ADAMTSL3: variants seen among roughly 807,000 people sequenced by gnomAD.
ADAMTSL3 encodes ADAMTS like 3.
ADAMTSL3 carries 128 observed loss-of-function variants against 201.7 expected under a neutral mutation model. The ratio of observed to expected loss-of-function variants is 0.63; its 90% CI spans 0.55 to 0.73. The LOEUF (loss-of-function observed/expected upper bound fraction) is 0.73. Ranked by LOEUF, ADAMTSL3 falls within the 30% of genes least tolerant of loss-of-function variation. The pLI is 0.00. For missense variants in ADAMTSL3, 1,990 were observed against 2,119.6 expected (o/e 0.94, Z 1.20); for synonymous variants, 738 against 748.4 (o/e 0.99, Z 0.23).
chr15:83,954,876 C>G (rs1385397836), intron 19 of ADAMTSL3, among the ~76,000 whole-genome samples: 1 of 152,212 alleles, frequency 6.6e-6, no homozygotes, highest in Non-Finnish European at 1.5e-5. Context: ...TGCTGAGCCA[C>G]CTGGAGCTGG....
At chr15:83,677,439 A>G (rs1285339403) in intron 2 of ADAMTSL3, among the ~76,000 whole-genome samples, 1 of 151,104 alleles carries the variant, frequency 6.6e-6, no homozygotes, top group Non-Finnish European at 1.5e-5. Flanking sequence ...TTTGCTTCAA[A>G]TATTTTGAAA....
intron 23 of ADAMTSL3, among the ~76,000 whole-genome samples, chr15:84,007,076 A>G (rs1305700663): frequency 6.6e-6 from 1 of 152,184 alleles, no homozygotes; most frequent in Non-Finnish European, 1.5e-5. Flanking sequence ...TGAAGGAAGG[A>G]CTTGGTCCTG....
At chr15:83,976,656 C>T (rs1465756889) in intron 20 of ADAMTSL3, among the ~76,000 whole-genome samples, 3 of 151,916 alleles carry the variant, frequency 2.0e-5, no homozygotes, top group East Asian at 3.9e-4. Context: ...AGATCCCTCA[C>T]GTGCACAGTT....
chr15:83,657,249 A>C (rs2061099976), intron 2 of ADAMTSL3, among the ~76,000 whole-genome samples: 1 of 152,152 alleles, frequency 6.6e-6, no homozygotes, highest in Non-Finnish European at 1.5e-5. Flanking sequence ...TCACCTTATA[A>C]AATTTAAATA....
intron 4 of ADAMTSL3, among the ~76,000 whole-genome samples, chr15:83,793,843 G>A (rs1024995784): frequency 6.6e-6 from 1 of 152,136 alleles, no homozygotes; most frequent in African/African-American, 2.4e-5. Flanking sequence ...CTATATGGCT[G>A]CAGTAATGAG....
At chr15:83,911,296 T>C (rs986557881) in intron 15 of ADAMTSL3, among the ~76,000 whole-genome samples, 10 of 152,164 alleles carry the variant, frequency 6.6e-5, no homozygotes, top group African/African-American at 2.2e-4. Flanking sequence ...AATCAAAAAA[T>C]AGTATATAGG....
intron 20 of ADAMTSL3, among the ~76,000 whole-genome samples, chr15:83,976,588 T>G (rs1013184860): frequency 6.6e-6 from 1 of 151,314 alleles, no homozygotes; most frequent in Non-Finnish European, 1.5e-5. Flanking sequence ...CATCCGGGGT[T>G]GATGAGAGAC....
At chr15:83,816,184 G>A (rs1157225328) in intron 5 of ADAMTSL3, among the ~76,000 whole-genome samples, 1 of 152,196 alleles carries the variant, frequency 6.6e-6, no homozygotes, top group Non-Finnish European at 1.5e-5. Flanking sequence ...ATTCTTCTTT[G>A]CTGTGGGAAC....
intron 3 of ADAMTSL3, among the ~76,000 whole-genome samples, chr15:83,719,190 A>G (rs778242246): frequency 7.2e-5 from 11 of 152,340 alleles, no homozygotes; most frequent in African/African-American, 2.6e-4. Context: ...CTAACTACCT[A>G]TTTATGAGAA....
rs140837973 is a variant in ADAMTSL3, at chr15:84,016,479, C to T, written c.4253C>T (p.Thr1418Ile). The change falls in exon 25 of 30, where the codon ACA becomes ATA. Residue 1418 changes from threonine to isoleucine, a missense_variant. Thr to Ile is a moderately conservative substitution (Grantham distance 89). Coordinates refer to ENST00000286744, the MANE Select transcript of ADAMTSL3 (RefSeq NM_207517.3). Reference protein sequence around the residue: ...TNTRTNSNDPTGEPPPQEPFW... With the variant: ...TNTRTNSNDPIGEPPPQEPFW... ...ACTAGAACCAACAGCAATGACCCAA[C>T]AGGAGAACCCCCGCCTCAAGGTCTG... 1.1e-3 allele frequency: 1,711 copies of T among 1,613,696 alleles called. 20 individuals carry two copies. Among genetic ancestry groups the T allele is most frequent in the South Asian group, 1.5e-3 (135 of 91,032 alleles).
chr15:83,899,473 A>G lies in ADAMTSL3; in HGVS notation c.1616-174A>G, dbSNP rs578009554. ...TGTATTAATTTTTTTAATATACAGC[A>G]GAAGTGTTTAATTCATTCCAGCAGC... On this transcript the variant is annotated intron_variant, in intron 14 of 29. Transcript: ENST00000286744. Among the ~76,000 whole-genome samples the G allele has an allele frequency of 2.0e-5, 3 of 152,326 alleles. No homozygotes were observed. The South Asian group carries it at 6.2e-4, about 32-fold the overall frequency.
At chr15:83,833,438 A>G (rs955616721) in intron 6 of ADAMTSL3, among the ~76,000 whole-genome samples, 9 of 152,114 alleles carry the variant, frequency 5.9e-5, no homozygotes, top group African/African-American at 2.2e-4. Context: ...CTCTACCCTC[A>G]TGACCTAACC....
chr15:83,883,608 T>C (rs2065324778), intron 9 of ADAMTSL3, among the ~76,000 whole-genome samples: 1 of 151,814 alleles, frequency 6.6e-6, no homozygotes, highest in Non-Finnish European at 1.5e-5. Context: ...CAGACTGGAG[T>C]GCAGTGGCGT....
chr15:83,912,565 C>T (rs957953514), intron 15 of ADAMTSL3, among the ~76,000 whole-genome samples: 1 of 152,116 alleles, frequency 6.6e-6, no homozygotes, highest in African/African-American at 2.4e-5. Flanking sequence ...CCAGAAGCTT[C>T]GTGCACTTGT....
chr15:83,754,001 A>G lies in ADAMTSL3; in HGVS notation c.190-19522A>G, dbSNP rs538804304. On this transcript the variant is annotated intron_variant, in intron 3 of 29. Coordinates refer to ENST00000286744, the MANE Select transcript of ADAMTSL3 (RefSeq NM_207517.3). ...TTCATAAGTCATCATGAGAGTAAAGAGGTTTGGTTGTGTGGACACACATCC... is the reference window on the plus strand; with the variant it reads ...TTCATAAGTCATCATGAGAGTAAAGGGGTTTGGTTGTGTGGACACACATCC... 1.4e-4 allele frequency among the ~76,000 whole-genome samples: 22 copies of G among 152,332 alleles called. 1 individual carries two copies. The South Asian group carries it at 4.1e-3, about 29-fold the overall frequency.
chr15:84,002,865 ATATCT>A (rs2067818040), intron 23 of ADAMTSL3, among the ~76,000 whole-genome samples: 1 of 151,402 alleles, frequency 6.6e-6, no homozygotes, highest in Admixed American at 6.6e-5. Flanking sequence ...CTCCATAATG[ATATCT>A]TATTTAAGAT....
chr15:83,661,262 C>T (rs1423464587), intron 2 of ADAMTSL3, among the ~76,000 whole-genome samples: 3 of 151,334 alleles, frequency 2.0e-5, no homozygotes, highest in African/African-American at 4.9e-5. Context: ...CTTGGCGATG[C>T]GGGCTCTTTT....
At position 83,973,921 on chromosome 15, in the gene ADAMTSL3, A is replaced by G. The variant is rs756053769; in HGVS notation, c.2644+3284A>G. ...GGTGCCTTGGGTTTAAGTAAAACCC[A>G]TCCTCTTTGGAGGGGTAATTTTTCT... On this transcript the variant is annotated intron_variant, in intron 20 of 29. Transcript: ENST00000286744. Among the ~76,000 whole-genome samples, 6 of 152,178 alleles carry G rather than the reference A, an allele frequency of 3.9e-5. No homozygotes were observed. The East Asian group carries it at 1.2e-3, about 29-fold the overall frequency.
chr15:83,802,298 T>C (rs958322949), intron 4 of ADAMTSL3, among the ~76,000 whole-genome samples: 5 of 152,132 alleles, frequency 3.3e-5, no homozygotes, highest in African/African-American at 1.2e-4. Flanking sequence ...AACCTAAAGA[T>C]GTTTACCGAA....
Sources: allele counts gnomAD v4.1 joint callset (sites outside exome capture counted in the v4.1 genomes callset), GRCh38; gene constraint gnomAD v4.1.1; transcripts MANE v1.5; gene names NCBI Gene and HGNC (gene_info 2026-07-23, HGNC 2026-07-21).